Variants in TF observed in about 807,000 individuals in gnomAD.
TF encodes transferrin, also known as serotransferrin.
A neutral mutation model predicts 82.4 loss-of-function variants in TF; 55 were observed. The ratio of observed to expected loss-of-function variants is 0.67; its 90% confidence interval spans 0.54 to 0.84. TF has a LOEUF of 0.84. TF is among the 40% of genes least tolerant of loss of function. The probability of loss-of-function intolerance (pLI) is 0.00; values close to 1 mark genes in which losing one functional copy is unlikely to be tolerated. For synonymous variants in TF, 332 were observed against 332.6 expected (o/e 1.00, Z 0.02); for missense variants, 737 against 868.4 (o/e 0.85, Z 1.90).
the TF span, among the ~76,000 whole-genome samples, chr3:133,714,830 C>T: frequency 6.6e-6 from 1 of 151,986 alleles, no homozygotes; most frequent in Non-Finnish European, 1.5e-5. Context: ...TTACAGGTGC[C>T]CACCACCACA....
chr3:133,746,671 C>T (rs1405209001), intron 1 of TF, among the ~76,000 whole-genome samples, 188 bp downstream of exon 1: 1 of 152,240 alleles, frequency 6.6e-6, no homozygotes, highest in East Asian at 1.9e-4. Context: ...CCTTTCACTG[C>T]ACTCACTGTC....
the TF span, among the ~76,000 whole-genome samples, chr3:133,724,203 T>C: frequency 4.6e-5 from 7 of 152,336 alleles, no homozygotes; most frequent in East Asian, 9.6e-4. Flanking sequence ...ATGGTATTTC[T>C]AGTTCTAGAT....
At chr3:133,757,748 A>C (rs769947397) in intron 7 of TF, 21 bp from the exon 8 acceptor site, 1 of 1,608,338 alleles carries the variant, frequency 6.2e-7, no homozygotes, top group Non-Finnish European at 8.5e-7. Flanking sequence ...GCCATCCACT[A>C]TTCTGTTTTT....
chr3:133,699,027 TAA>T, the TF span, among the ~76,000 whole-genome samples: 4 of 152,246 alleles, frequency 2.6e-5, no homozygotes, highest in Admixed American at 6.5e-5. Context: ...CTAGTTACCT[TAA>T]GTCTCTGAGT....
At chr3:133,733,135 A>G in the TF span, among the ~76,000 whole-genome samples, 6 of 152,228 alleles carry the variant, frequency 3.9e-5, no homozygotes, top group African/African-American at 1.4e-4. Context: ...CCATTCATCT[A>G]TCAGAATTTA....
At chr3:133,743,535 C>T (rs573492496), upstream of TF, among the ~76,000 whole-genome samples, 29 of 152,144 alleles carry the variant, frequency 1.9e-4, no homozygotes, top group African/African-American at 6.7e-4. Context: ...AACCAGACTG[C>T]CTTCTTTTGT....
the TF span, among the ~76,000 whole-genome samples, chr3:133,693,436 G>A: frequency 1.8e-3 from 281 of 152,340 alleles, no homozygotes; most frequent in Middle Eastern, 3.4e-3. Flanking sequence ...ATGATGGCCA[G>A]ATCTTTTTGA....
chr3:133,766,843 C>T (rs1346701916), intron 12 of TF, among the ~76,000 whole-genome samples: 2 of 152,162 alleles, frequency 1.3e-5, no homozygotes, highest in African/African-American at 2.4e-5. Flanking sequence ...CAGCCCCAGT[C>T]ACCAAGGGGT....
In TF at chr3:133,755,483, C is replaced by T. The variant is rs1432233551; in HGVS notation, c.623C>T (p.Ser208Leu). ...CSTLNQYFGY[S>L]GAFKCLKDGA... Reference sequence around the variant, plus strand: ...ACCCTTAACCAATACTTCGGCTACTCGGGAGCCTTCAAGTGAGTGAGATGT... The same window carrying T: ...ACCCTTAACCAATACTTCGGCTACTTGGGAGCCTTCAAGTGAGTGAGATGT... Residue 208 changes from serine to leucine, a missense_variant, in exon 5 of 17, where the codon TCG becomes TTG. Physicochemically the swap from Ser to Leu is moderately radical, Grantham distance 145. Transcript: ENST00000402696. 1.9e-5 allele frequency: 31 copies of T among 1,614,000 alleles called. No homozygotes were observed. Among genetic ancestry groups the T allele is most frequent in the African/African-American group, 2.7e-5 (2 of 74,928 alleles).
the TF span, among the ~76,000 whole-genome samples, chr3:133,738,414 G>A: frequency 6.6e-6 from 1 of 152,176 alleles, no homozygotes; most frequent in East Asian, 1.9e-4. Flanking sequence ...AGACAAGGAT[G>A]CCCTCTCTTC....
At chr3:133,729,612 G>T in the TF span, among the ~76,000 whole-genome samples, 5 of 152,176 alleles carry the variant, frequency 3.3e-5, no homozygotes, top group Admixed American at 3.3e-4. Flanking sequence ...TGCACTTCCC[G>T]AGTGAGGCAA....
At chr3:133,756,414 C>T in intron 6 of TF, 77 bp downstream of exon 6, 5 of 1,464,034 alleles carry the variant, frequency 3.4e-6, no homozygotes, top group Non-Finnish European at 4.7e-6. Context: ...TTTTCATGCT[C>T]AGTAATTGGA....
upstream of TF, chr3:133,746,012 C>G: frequency 7.0e-6 from 2 of 285,802 alleles, no homozygotes; most frequent in South Asian, 8.2e-5. Context: ...GTTCTTTTCC[C>G]TCTCCAGCCT....
the TF span, among the ~76,000 whole-genome samples, chr3:133,674,368 C>T: frequency 6.6e-6 from 1 of 152,178 alleles, no homozygotes; most frequent in Admixed American, 6.5e-5. Context: ...GAAGTGCAGC[C>T]TTGCAGACCC....
chr3:133,770,422 C>A, intron 13 of TF, 86 bp from the exon 14 acceptor site: 1 of 1,254,446 alleles, frequency 8.0e-7, no homozygotes, highest in South Asian at 1.2e-5. Flanking sequence ...AGATGGCTGT[C>A]CTGAATCTAT....
At chr3:133,683,151 G>C in the TF span, among the ~76,000 whole-genome samples, 1 of 152,150 alleles carries the variant, frequency 6.6e-6, no homozygotes, top group Admixed American at 6.6e-5. Flanking sequence ...ACAAGCAAAT[G>C]CTGAGAGCTT....
At chr3:133,730,797 C>A in the TF span, among the ~76,000 whole-genome samples, 1 of 152,188 alleles carries the variant, frequency 6.6e-6, no homozygotes, top group African/African-American at 2.4e-5. Flanking sequence ...TTCATAGCTT[C>A]AGTTCAGTGA....
chr3:133,710,409 C>T, the TF span, among the ~76,000 whole-genome samples: 7 of 152,312 alleles, frequency 4.6e-5, no homozygotes, highest in South Asian at 1.5e-3. Context: ...GTGCCCCCAA[C>T]ATTTACAAGC....
At chr3:133,738,787 C>T in the TF span, among the ~76,000 whole-genome samples, 1 of 152,160 alleles carries the variant, frequency 6.6e-6, no homozygotes, top group Non-Finnish European at 1.5e-5. Context: ...AGGAGAACTA[C>T]AAACCACTGC....
Sources: gnomAD v4.1 joint callset for allele counts (sites outside exome capture counted in the v4.1 genomes callset) on GRCh38, gnomAD v4.1.1 for gene constraint, MANE v1.5 for transcripts, NCBI Gene and HGNC (gene_info 2026-07-23, HGNC 2026-07-21) for gene names.